The following PAIP2B variants were observed in gnomAD, a reference collection of about 807,000 sequenced individuals.
The protein encoded by PAIP2B is poly(A) binding protein interacting protein 2B.
PAIP2B carries 13 observed loss-of-function variants against 17.0 expected under a neutral mutation model. The ratio of observed to expected loss-of-function variants is 0.76; its 90% CI spans 0.50 to 1.22. PAIP2B has a LOEUF of 1.22. PAIP2B is among the 50% of genes most tolerant of loss of function. The probability of loss-of-function intolerance (pLI) is 0.00; values close to 1 mark genes in which losing one functional copy is unlikely to be tolerated. For synonymous variants in PAIP2B, 43 were observed against 48.7 expected, an observed-to-expected ratio of 0.88 and a Z score of 0.48; for missense variants, 117 against 144.5, an observed-to-expected ratio of 0.81 and a Z score of 0.98.
At chr2:71,193,522 A>AG (rs1279415160) in intron 2 of PAIP2B, among the ~76,000 whole-genome samples, 2 of 152,178 alleles carry the variant, frequency 1.3e-5, no homozygotes, top group Non-Finnish European at 2.9e-5. Context: ...TCCTATGTCC[A>AG]GGATGGTATT....
At chr2:71,217,175 C>T (rs1046033941) in intron 1 of PAIP2B, among the ~76,000 whole-genome samples, 7 of 152,344 alleles carry the variant, frequency 4.6e-5, no homozygotes, top group Middle Eastern at 3.4e-3. Flanking sequence ...TCACTGTCGT[C>T]TAGGCTGGAG....
chr2:71,203,126 A>C (rs1675028498), intron 1 of PAIP2B, among the ~76,000 whole-genome samples: 1 of 152,136 alleles, frequency 6.6e-6, no homozygotes, highest in African/African-American at 2.4e-5. Flanking sequence ...AGAACAATTA[A>C]CAATGTTGCG....
At chr2:71,194,757 A>G (rs1674774738) in intron 2 of PAIP2B, among the ~76,000 whole-genome samples, 1 of 152,164 alleles carries the variant, frequency 6.6e-6, no homozygotes, top group African/African-American at 2.4e-5. Context: ...AGGACTTCCA[A>G]TACTATGTTG....
intron 2 of PAIP2B, 66 bp downstream of exon 2, chr2:71,202,386 G>A: frequency 1.3e-6 from 2 of 1,558,342 alleles, no homozygotes; most frequent in Non-Finnish European, 1.7e-6. Flanking sequence ...TAAACTGGCA[G>A]TAAAATATTA....
chr2:71,209,034 G>A (rs1675219913), intron 1 of PAIP2B, among the ~76,000 whole-genome samples: 1 of 152,236 alleles, frequency 6.6e-6, no homozygotes, highest in Admixed American at 6.5e-5. Context: ...TCCAATTCCA[G>A]TAAAGTAGGA....
intron 2 of PAIP2B, among the ~76,000 whole-genome samples, chr2:71,193,836 CAA>C (rs34132481): frequency 7.1e-6 from 1 of 141,528 alleles, no homozygotes; most frequent in East Asian, 2.1e-4. Flanking sequence ...GACTCTGTCC[CAA>C]AAAAAAAAAA....
At chr2:71,222,474 T>C (rs1293722941) in intron 1 of PAIP2B, among the ~76,000 whole-genome samples, 3 of 152,134 alleles carry the variant, frequency 2.0e-5, no homozygotes, top group South Asian at 4.1e-4. Flanking sequence ...TCTTGGAAAA[T>C]ACAAATGTTG....
chr2:71,193,857 G>A (rs1486101400), intron 2 of PAIP2B, among the ~76,000 whole-genome samples: 2 of 152,006 alleles, frequency 1.3e-5, no homozygotes, highest in Non-Finnish European at 2.9e-5. Flanking sequence ...AAAGTTTTGG[G>A]TTTTACATTT....
intron 2 of PAIP2B, among the ~76,000 whole-genome samples, chr2:71,192,009 G>A (rs983886605): frequency 6.6e-6 from 1 of 152,110 alleles, no homozygotes; most frequent in Non-Finnish European, 1.5e-5. Context: ...ATGCTGACCT[G>A]TCTGCATATA....
chr2:71,198,779 T>A lies in PAIP2B; in HGVS notation c.138+3673A>T, dbSNP rs934729657. On this transcript the variant is annotated intron_variant, in intron 2 of 3. Coordinates refer to ENST00000244221, the MANE Select transcript of PAIP2B (RefSeq NM_020459.1). ...GAGATTCTTTCCTCAGCTTGGTTTA[T>A]TCTGCTGTTAATACTTGTGATTGCA... is the stretch of plus-strand genomic sequence containing the variant. 9.2e-5 allele frequency among the ~76,000 whole-genome samples: 14 copies of A among 152,242 alleles called. No homozygotes were observed. The South Asian group carries it at 2.7e-3, about 29-fold the overall frequency.
At chr2:71,206,815 A>C (rs1675139627) in intron 1 of PAIP2B, among the ~76,000 whole-genome samples, 1 of 152,236 alleles carries the variant, frequency 6.6e-6, no homozygotes, top group Non-Finnish European at 1.5e-5. Context: ...CTACTGAACA[A>C]CTGAAATAAA....
intron 2 of PAIP2B, among the ~76,000 whole-genome samples, chr2:71,201,488 C>A (rs1199829096): frequency 6.0e-5 from 9 of 151,028 alleles, no homozygotes; most frequent in African/African-American, 2.2e-4. Flanking sequence ...TTAAGCAATT[C>A]TTGTGCCTCA....
At chr2:71,223,047 T>C (rs770328261) in intron 1 of PAIP2B, among the ~76,000 whole-genome samples, 4 of 152,214 alleles carry the variant, frequency 2.6e-5, no homozygotes, top group Non-Finnish European at 4.4e-5. Context: ...TTAGCTCTTA[T>C]CTGTCTTTCT....
intron 2 of PAIP2B, among the ~76,000 whole-genome samples, chr2:71,197,486 T>A (rs1468431299): frequency 6.6e-6 from 1 of 152,200 alleles, no homozygotes; most frequent in African/African-American, 2.4e-5. Context: ...TGATTATGTG[T>A]CTTGGGAATG....
At chr2:71,200,673 G>T (rs1056203190) in intron 2 of PAIP2B, among the ~76,000 whole-genome samples, 1 of 152,188 alleles carries the variant, frequency 6.6e-6, no homozygotes, top group African/African-American at 2.4e-5. Flanking sequence ...AATGGTTTGA[G>T]CCTGGACTGT....
intron 1 of PAIP2B, among the ~76,000 whole-genome samples, chr2:71,209,208 GAGAT>G (rs940024750): frequency 3.3e-5 from 5 of 152,170 alleles, no homozygotes; most frequent in African/African-American, 9.7e-5. Context: ...TACCAAGTAT[GAGAT>G]AACTCAGAGT....
chr2:71,221,581 A>AT (rs1034570980), intron 1 of PAIP2B, among the ~76,000 whole-genome samples: 98 of 152,370 alleles, frequency 6.4e-4, no homozygotes, highest in African/African-American at 2.3e-3. Context: ...TGTATTGAAT[A>AT]TTTGACATGT....
chr2:71,184,964 G>A lies in PAIP2B; in HGVS notation c.*3515C>T, dbSNP rs2103734224. On this transcript the variant is annotated 3_prime_UTR_variant, in exon 4 of 4. Transcript: ENST00000244221. ...CCGTGATGGTGGGACCCTTATTGAC[G>A]AAGGCCTGCCCCCTCCTCACAGTTG... 6.6e-6 allele frequency: 1 copy of A among 152,188 alleles called. No individual in the cohort carries two copies. Among genetic ancestry groups the A allele is most frequent in the South Asian group, 2.1e-4 (1 of 4,824 alleles). 9.4% of individuals were successfully genotyped at this position (152,188 alleles called of 1,614,324 possible).
intron 1 of PAIP2B, among the ~76,000 whole-genome samples, chr2:71,225,254 A>G (rs1196376539): frequency 6.6e-6 from 1 of 152,224 alleles, no homozygotes; most frequent in Non-Finnish European, 1.5e-5. Context: ...ACCTCAGAGT[A>G]AAGATTTCTT....
Sources: gnomAD v4.1 joint callset for allele counts (sites outside exome capture counted in the v4.1 genomes callset) on GRCh38, gnomAD v4.1.1 for gene constraint, MANE v1.5 for transcripts, NCBI Gene and HGNC (gene_info 2026-07-23, HGNC 2026-07-21) for gene names.